The following ARIH1 variants were observed in gnomAD, a reference collection of about 807,000 sequenced individuals.
ARIH1 encodes ariadne RBR E3 ubiquitin protein ligase 1.
Under a neutral mutation model 85.0 loss-of-function variants are expected in ARIH1, and 8 were observed. The ratio of observed to expected loss-of-function variants is 0.09; its 90% CI spans 0.06 to 0.17. ARIH1 has a LOEUF of 0.17. Ranked by LOEUF, ARIH1 falls within the 10% of genes least tolerant of loss-of-function variation. ARIH1 has a pLI of 1.00. For missense variants in ARIH1, 311 were observed against 718.1 expected, an observed-to-expected ratio of 0.43 and a Z score of 6.48; for synonymous variants, 238 against 253.6, an observed-to-expected ratio of 0.94 and a Z score of 0.59.
At chr15:72,575,134 A>G (rs1307052709) in intron 11 of ARIH1, among the ~76,000 whole-genome samples, 1 of 152,170 alleles carries the variant, frequency 6.6e-6, no homozygotes, top group Non-Finnish European at 1.5e-5. Context: ...AGTTTTATTT[A>G]CAAAGACAGG....
chr15:72,488,359 G>A (rs1371205747), intron 1 of ARIH1, among the ~76,000 whole-genome samples: 1 of 152,128 alleles, frequency 6.6e-6, no homozygotes, highest in African/African-American at 2.4e-5. Context: ...TTACAGGCAT[G>A]AGCCACCGTG....
chr15:72,580,170 T>C (rs1004907764), intron 11 of ARIH1, among the ~76,000 whole-genome samples: 2 of 152,178 alleles, frequency 1.3e-5, no homozygotes, highest in African/African-American at 2.4e-5. Context: ...TTTCTACATA[T>C]AAGCGAGATC....
At chr15:72,520,856 C>G (rs1159841399) in intron 2 of ARIH1, among the ~76,000 whole-genome samples, 1 of 145,482 alleles carries the variant, frequency 6.9e-6, no homozygotes, top group Admixed American at 6.8e-5. Context: ...TTTTTCTTTT[C>G]TTTTTGAAAC....
chr15:72,587,383 CT>C lies in ARIH1; in HGVS notation c.*4092del. On this transcript the variant is annotated 3_prime_UTR_variant, in exon 14 of 14. Coordinates refer to ENST00000379887, the MANE Select transcript of ARIH1 (RefSeq NM_005744.5). Reference sequence around the variant, plus strand: ...TGCTACTGTTAGAGGTTGCTCTATACTATCTCTGATCTTTCATTTGTTGCAG... The same window carrying C: ...TGCTACTGTTAGAGGTTGCTCTATACATCTCTGATCTTTCATTTGTTGCAG... The C allele has an allele frequency of 2.5e-6, 1 of 401,050 alleles. No homozygotes were observed. Among genetic ancestry groups the C allele is most frequent in the South Asian group, 1.9e-5 (1 of 53,322 alleles). The allele number at this position is 401,050 out of a possible 1,614,324, so 24.8% of individuals were successfully genotyped here.
intron 2 of ARIH1, among the ~76,000 whole-genome samples, chr15:72,542,423 C>T (rs979364692): frequency 1.3e-5 from 2 of 152,154 alleles, no homozygotes; most frequent in African/African-American, 2.4e-5. Flanking sequence ...AAAATGTGTT[C>T]ACCTTCACTA....
At chr15:72,527,553 T>C (rs748322980) in intron 2 of ARIH1, among the ~76,000 whole-genome samples, 16 of 152,146 alleles carry the variant, frequency 1.1e-4, no homozygotes, top group South Asian at 6.2e-4. Context: ...TATTACACTT[T>C]AGTAGTACAA....
Position 72,583,142 on chromosome 15 carries a change from T to C in ARIH1, c.1590-66T>C. On this transcript the variant is annotated intron_variant, in intron 13 of 13. Coordinates refer to ENST00000379887, the MANE Select transcript of ARIH1 (RefSeq NM_005744.5). ...ACTATAGGGATGCCTTAAAAATAAG[T>C]AAATGCCTCTTTTTTTATTATTAGA... is the stretch of plus-strand genomic sequence containing the variant. 3.1e-6 allele frequency: 4 copies of C among 1,304,044 alleles called. No individual in the cohort carries two copies. The East Asian group carries it at 9.2e-5, about 30-fold the overall frequency. The allele number at this position is 1,304,044 out of a possible 1,614,324, so 80.8% of individuals were successfully genotyped here. A position where few individuals can be genotyped will look rare whatever the true frequency, so the allele number is the denominator to read the frequency against.
chr15:72,475,400 G>T lies in ARIH1; in HGVS notation c.375+386G>T, dbSNP rs375615589. Among the ~76,000 whole-genome samples the T allele has an allele frequency of 2.3e-4, 35 of 152,330 alleles. No individual in the cohort carries two copies. In the East Asian group the frequency reaches 6.6e-3, roughly 29 times the overall value. ...GAGTCAGGAAGAATTGGGCCCTGACGGGACTTACCCCGGCCGTAGCCTCAT... is the reference window on the plus strand; with the variant it reads ...GAGTCAGGAAGAATTGGGCCCTGACTGGACTTACCCCGGCCGTAGCCTCAT... On this transcript the variant is annotated intron_variant, in intron 1 of 13. Coordinates refer to ENST00000379887, the MANE Select transcript of ARIH1 (RefSeq NM_005744.5).
intron 1 of ARIH1, among the ~76,000 whole-genome samples, chr15:72,511,264 A>T (rs2063949463): frequency 6.6e-6 from 1 of 152,064 alleles, no homozygotes; most frequent in African/African-American, 2.4e-5. Context: ...ATCTTCAGTT[A>T]TTCATTACTA....
chr15:72,576,747 C>T (rs1025068096), intron 11 of ARIH1, among the ~76,000 whole-genome samples: 1 of 151,900 alleles, frequency 6.6e-6, no homozygotes, highest in Non-Finnish European at 1.5e-5. Context: ...CTTTACATAT[C>T]TCTAAAGACA....
rs575214273 is a variant in ARIH1, at chr15:72,538,107, T to C, written c.444-6713T>C. 1.1e-4 allele frequency among the ~76,000 whole-genome samples: 16 copies of C among 152,308 alleles called. No individual in the cohort carries two copies. The South Asian group carries it at 2.7e-3, about 26-fold the overall frequency. On this transcript the variant is annotated intron_variant, in intron 2 of 13. Transcript: ENST00000379887. ...GGCTGGGCGTGGTAGCTCACACCTG[T>C]AATCCCAGCACTTTGGGAGGCTGAG...
chr15:72,483,215 C>G (rs1199339852), intron 1 of ARIH1, among the ~76,000 whole-genome samples: 1 of 152,138 alleles, frequency 6.6e-6, no homozygotes, highest in Non-Finnish European at 1.5e-5. Context: ...CGAGCTCACT[C>G]ATTTGGCTGT....
At chr15:72,516,914 C>T (rs1169398854) in intron 1 of ARIH1, among the ~76,000 whole-genome samples, 1 of 152,148 alleles carries the variant, frequency 6.6e-6, no homozygotes, top group East Asian at 1.9e-4. Flanking sequence ...AATAAGCAGA[C>T]ACATGTTTGA....
At chr15:72,503,511 C>G (rs189975678) in intron 1 of ARIH1, among the ~76,000 whole-genome samples, 1 of 152,256 alleles carries the variant, frequency 6.6e-6, no homozygotes, top group Admixed American at 6.5e-5. Context: ...TTCTGGTAGT[C>G]ACTCCTGGAG....
At chr15:72,552,617 CAAAA>C (rs915437218) in intron 3 of ARIH1, among the ~76,000 whole-genome samples, 1 of 149,516 alleles carries the variant, frequency 6.7e-6, no homozygotes, top group East Asian at 2.0e-4. Context: ...ACAACAACAA[CAAAA>C]AAAAACAAGG....
In ARIH1 at chr15:72,589,348, G is replaced by A. The variant is rs1019204754; in HGVS notation, c.*6056G>A. 4.6e-5 allele frequency: 7 copies of A among 152,156 alleles called. No individual in the cohort carries two copies. Among genetic ancestry groups the A allele is most frequent in the Admixed American group, 3.3e-4 (5 of 15,276 alleles). The allele number at this position is 152,156 out of a possible 1,614,324, so 9.4% of individuals were successfully genotyped here. A position where few individuals can be genotyped will look rare whatever the true frequency, so the allele number is the denominator to read the frequency against. ...AAAGAACATGTGAAAACAAAACCTA[G>A]TTACAATAATAAGCACACCAGTGCT... On this transcript the variant is annotated 3_prime_UTR_variant, in exon 14 of 14. Transcript: ENST00000379887.
intron 1 of ARIH1, among the ~76,000 whole-genome samples, chr15:72,493,272 G>T (rs12905456): frequency 2.6e-4 from 40 of 152,188 alleles, no homozygotes; most frequent in African/African-American, 7.9e-4. Flanking sequence ...CACTTTTTGG[G>T]GGGGGAGGTC....
chr15:72,523,342 G>A (rs971833409), intron 2 of ARIH1, among the ~76,000 whole-genome samples: 1 of 152,198 alleles, frequency 6.6e-6, no homozygotes, highest in Non-Finnish European at 1.5e-5. Context: ...ATGAAAAACC[G>A]TGGAGGGACT....
At chr15:72,542,446 A>G (rs1211574453) in intron 2 of ARIH1, among the ~76,000 whole-genome samples, 1 of 152,218 alleles carries the variant, frequency 6.6e-6, no homozygotes, top group African/African-American at 2.4e-5. Context: ...AAATAAATAA[A>G]TACAAGTTAA....
Sources: allele counts gnomAD v4.1 joint callset (sites outside exome capture counted in the v4.1 genomes callset), GRCh38; gene constraint gnomAD v4.1.1; transcripts MANE v1.5; gene names NCBI Gene and HGNC (gene_info 2026-07-23, HGNC 2026-07-21).